The following HELZ variants were observed in gnomAD, a reference collection of about 807,000 sequenced individuals.
HELZ encodes the protein helicase with zinc finger, also known as ATP-dependent RNA helicase with zinc finger domain.
HELZ carries 23 observed loss-of-function variants against 218.2 expected under a neutral mutation model. The ratio of observed to expected loss-of-function variants is 0.11; its 90% confidence interval spans 0.08 to 0.15. The LOEUF (loss-of-function observed/expected upper bound fraction) is 0.15. Ranked by LOEUF, HELZ falls within the 10% of genes least tolerant of loss-of-function variation. The pLI, the probability that HELZ is intolerant of heterozygous loss-of-function variation, is 1.00. For synonymous variants in HELZ, 814 were observed against 829.4 expected (o/e 0.98, Z 0.32); for missense variants, 1,813 against 2,353.7 (o/e 0.77, Z 4.75).
intron 5 of HELZ, among the ~76,000 whole-genome samples, chr17:67,214,034 A>T (rs76177001): frequency 6.6e-6 from 1 of 152,154 alleles, no homozygotes; most frequent in Non-Finnish European, 1.5e-5. Flanking sequence ...ACTAATAACA[A>T]TAACTTCTTC....
At chr17:67,157,189 C>T (rs1427559263) in intron 17 of HELZ, among the ~76,000 whole-genome samples, 1 of 152,326 alleles carries the variant, frequency 6.6e-6, no homozygotes, top group South Asian at 2.1e-4. Flanking sequence ...GCCAATTAAA[C>T]CTCTTTTCTT....
chr17:67,091,881 A>G (rs544033106), intron 31 of HELZ, among the ~76,000 whole-genome samples: 6 of 152,282 alleles, frequency 3.9e-5, no homozygotes, highest in African/African-American at 1.2e-4. Context: ...ACTTATTTCA[A>G]TTTAGCTCCC....
intron 31 of HELZ, among the ~76,000 whole-genome samples, chr17:67,088,506 C>G (rs1202240910): frequency 6.6e-6 from 1 of 152,120 alleles, no homozygotes; most frequent in Non-Finnish European, 1.5e-5. Flanking sequence ...GTAAATGGAA[C>G]CACTAGGATG....
At chr17:67,149,804 A>C in intron 19 of HELZ, 63 bp downstream of exon 19, 2 of 896,766 alleles carry the variant, frequency 2.2e-6, no homozygotes, top group South Asian at 3.3e-5. Context: ...TTAGAAATAG[A>C]ATATTAAACA....
intron 31 of HELZ, among the ~76,000 whole-genome samples, chr17:67,101,969 C>G (rs1279786242): frequency 6.6e-6 from 1 of 152,170 alleles, no homozygotes; most frequent in African/African-American, 2.4e-5. Context: ...CTTTGTTGTC[C>G]TCCTCATCCC....
intron 1 of HELZ, chr17:67,244,743 G>T (rs2041427692): frequency 1.0e-6 from 1 of 984,462 alleles, no homozygotes; most frequent in African/African-American, 1.7e-5. Flanking sequence ...GGGCGTGGGA[G>T]GCCCGCACGC....
chr17:67,233,865 C>A (rs2041103011), intron 3 of HELZ, among the ~76,000 whole-genome samples: 1 of 151,606 alleles, frequency 6.6e-6, no homozygotes, highest in South Asian at 2.1e-4. Flanking sequence ...ACATAGAAAC[C>A]CCCACCCCCG....
intron 1 of HELZ, chr17:67,244,674 C>G: frequency 2.0e-6 from 2 of 981,596 alleles, no homozygotes; most frequent in Non-Finnish European, 2.4e-6. Context: ...CCCCACGCCC[C>G]CGCTCCAGCC....
intron 21 of HELZ, among the ~76,000 whole-genome samples, chr17:67,138,766 T>C (rs905833073): frequency 6.6e-6 from 1 of 152,212 alleles, no homozygotes; most frequent in Non-Finnish European, 1.5e-5. Flanking sequence ...CCACAGTTTA[T>C]GCAACTGAAT....
At chr17:67,208,197 T>C (rs1451696512) in intron 5 of HELZ, among the ~76,000 whole-genome samples, 2 of 152,006 alleles carry the variant, frequency 1.3e-5, no homozygotes, top group Admixed American at 6.6e-5. Flanking sequence ...AGTGTGACTC[T>C]AAAGGAATAG....
intron 5 of HELZ, among the ~76,000 whole-genome samples, chr17:67,211,949 T>C (rs879361473): frequency 6.6e-6 from 1 of 152,122 alleles, no homozygotes; most frequent in Non-Finnish European, 1.5e-5. Context: ...ACTGCTGGTC[T>C]GATTTCGTAA....
At chr17:67,217,712 C>T (rs1040212458) in intron 4 of HELZ, among the ~76,000 whole-genome samples, 1 of 152,142 alleles carries the variant, frequency 6.6e-6, no homozygotes, top group African/African-American at 2.4e-5. Flanking sequence ...TTTCCATTGC[C>T]TGCAATGCTC....
Position 67,160,257 on chromosome 17 carries a change from A to T in HELZ, c.2177+4T>A, listed in dbSNP as rs1332106221. ...AGATACATAATAAGCCTTAAAAAAA[A>T]TACCTGAGAGGTCTTGCCTGGGGAT... is the stretch of plus-strand genomic sequence containing the variant. On this transcript the variant is annotated splice_donor_region_variant and intron_variant, in intron 17 of 32. Transcript: ENST00000358691. The T allele has an allele frequency of 3.9e-6, 6 of 1,545,074 alleles. No individual in the cohort carries two copies. Among genetic ancestry groups the T allele is most frequent in the Non-Finnish European group, 5.4e-6 (6 of 1,117,700 alleles).
At chr17:67,214,696 G>C (rs1411081254) in intron 5 of HELZ, among the ~76,000 whole-genome samples, 1 of 151,980 alleles carries the variant, frequency 6.6e-6, no homozygotes, top group East Asian at 1.9e-4. Context: ...AAACCACTGA[G>C]CTCTGCAAAC....
chr17:67,171,488 G>A lies in HELZ; in HGVS notation c.1431-3692C>T, dbSNP rs536716878. On this transcript the variant is annotated intron_variant, in intron 13 of 32. Coordinates refer to ENST00000358691, the MANE Select transcript of HELZ (RefSeq NM_014877.4). ...TTCATTCACACATCACAGAATCACT[G>A]TGCCCTGTTACTTCCTCATAGCCCT... Among the ~76,000 whole-genome samples, 3 of 152,184 alleles carry A rather than the reference G, an allele frequency of 2.0e-5. No individual in the cohort carries two copies. In the South Asian group the frequency reaches 6.2e-4, roughly 32 times the overall value.
intron 22 of HELZ, among the ~76,000 whole-genome samples, chr17:67,136,910 T>TA (rs1365184409): frequency 4.6e-5 from 7 of 152,144 alleles, no homozygotes; most frequent in African/African-American, 1.7e-4. Flanking sequence ...CCACAGAACT[T>TA]ATGTGCATAA....
At chr17:67,181,042 ACT>A (rs1182114258) in intron 12 of HELZ, among the ~76,000 whole-genome samples, 3 of 151,992 alleles carry the variant, frequency 2.0e-5, no homozygotes, top group Non-Finnish European at 4.4e-5. Context: ...ACAGAGCCAG[ACT>A]CTGTCTCAAA....
At chr17:67,235,437 G>A (rs1483969314) in intron 3 of HELZ, among the ~76,000 whole-genome samples, 3 of 151,822 alleles carry the variant, frequency 2.0e-5, no homozygotes, top group Admixed American at 6.6e-5. Flanking sequence ...CCAGGGAGGC[G>A]GAGGCTGCAG....
At position 67,215,880 on chromosome 17, in the gene HELZ, G is replaced by T. The variant is rs566107613; in HGVS notation, c.247+19C>A. The T allele has an allele frequency of 4.7e-6, 7 of 1,497,126 alleles. No individual in the cohort carries two copies. The Admixed American group carries it at 1.2e-4, about 26-fold the overall frequency. 92.7% of individuals were successfully genotyped at this position (1,497,126 alleles called of 1,614,324 possible). A position where few individuals can be genotyped will look rare whatever the true frequency, so the allele number is the denominator to read the frequency against. ...AACATTGTTCAATTCAATAATTCGA[G>T]TCTCATTTTTAAACATACCATGTCT... On this transcript the variant is annotated intron_variant, in intron 5 of 32. Transcript: ENST00000358691.
Sources: allele counts gnomAD v4.1 joint callset (sites outside exome capture counted in the v4.1 genomes callset), GRCh38; gene constraint gnomAD v4.1.1; transcripts MANE v1.5; gene names NCBI Gene and HGNC (gene_info 2026-07-23, HGNC 2026-07-21).